Variants in FAM13A observed in about 807,000 individuals in gnomAD.
The protein encoded by FAM13A is protein FAM13A.
A neutral mutation model predicts 129.6 loss-of-function variants in FAM13A; 76 were observed. That is an observed-to-expected ratio of 0.59 (90% confidence interval 0.49 to 0.71). The LOEUF (loss-of-function observed/expected upper bound fraction) is 0.71. FAM13A is among the 30% of genes least tolerant of loss of function. FAM13A has a pLI of 0.00. For synonymous variants in FAM13A, 443 were observed against 449.9 expected (o/e 0.98, Z 0.20); for missense variants, 1,108 against 1,249.3 (o/e 0.89, Z 1.70).
intron 7 of FAM13A, among the ~76,000 whole-genome samples, chr4:88,849,930 A>G (rs1737269253): frequency 6.6e-6 from 1 of 152,194 alleles, no homozygotes; most frequent in Non-Finnish European, 1.5e-5. Context: ...CTCCTAAGTA[A>G]GCATATCTAC....
chr4:88,752,274 C>T (rs1355326576), intron 14 of FAM13A, among the ~76,000 whole-genome samples: 2 of 152,096 alleles, frequency 1.3e-5, no homozygotes. Flanking sequence ...AAACTGAAAC[C>T]CCAAGAGGTG....
intron 6 of FAM13A, among the ~76,000 whole-genome samples, chr4:88,875,560 T>A (rs150775800): frequency 0.11 from 16,091 of 152,254 alleles, 1,007 homozygotes; most frequent in Non-Finnish European, 0.14. Context: ...TCACTGGTCA[T>A]CAGAGAAATG....
At chr4:88,868,295 G>C (rs1006413168) in intron 6 of FAM13A, among the ~76,000 whole-genome samples, 2 of 152,134 alleles carry the variant, frequency 1.3e-5, no homozygotes, top group Non-Finnish European at 2.9e-5. Flanking sequence ...CCCAGTCATC[G>C]AGTAAGTGCC....
At chr4:88,753,653 C>T (rs150637077) in intron 14 of FAM13A, 23 of 938,464 alleles carry the variant, frequency 2.5e-5, no homozygotes, top group African/African-American at 2.0e-4. Context: ...TTCTGTTATT[C>T]GATAGTCTTA....
intron 5 of FAM13A, among the ~76,000 whole-genome samples, chr4:88,909,119 T>A (rs915169979): frequency 6.6e-6 from 1 of 152,216 alleles, no homozygotes; most frequent in Non-Finnish European, 1.5e-5. Flanking sequence ...TGAAAATTTA[T>A]GTCCACAGCA....
chr4:89,000,491 G>T (rs1764114529), intron 3 of FAM13A, among the ~76,000 whole-genome samples: 1 of 152,152 alleles, frequency 6.6e-6, no homozygotes, highest in South Asian at 2.1e-4. Context: ...AAAGAAAGTA[G>T]ACTGGTCTTT....
chr4:88,995,744 C>T (rs766670005), intron 3 of FAM13A, among the ~76,000 whole-genome samples: 2 of 152,162 alleles, frequency 1.3e-5, no homozygotes, highest in Non-Finnish European at 2.9e-5. Flanking sequence ...TGAGCCAATA[C>T]TCCTTAATAA....
intron 11 of FAM13A, among the ~76,000 whole-genome samples, chr4:88,779,215 C>A (rs959324136): frequency 6.6e-6 from 1 of 152,104 alleles, no homozygotes. Flanking sequence ...TCCTGCCACA[C>A]AGATGACATA....
intron 7 of FAM13A, among the ~76,000 whole-genome samples, chr4:88,811,152 G>C (rs917628435): frequency 6.6e-6 from 1 of 152,206 alleles, no homozygotes. Flanking sequence ...AGATTTTGCT[G>C]AGTGTAGATG....
At chr4:88,804,578 T>A (rs1728181263) in intron 8 of FAM13A, among the ~76,000 whole-genome samples, 1 of 152,156 alleles carries the variant, frequency 6.6e-6, no homozygotes, top group Non-Finnish European at 1.5e-5. Flanking sequence ...CCCTATAAAC[T>A]TGCTGAATAT....
intron 14 of FAM13A, chr4:88,753,600 T>C: frequency 1.2e-6 from 1 of 858,986 alleles, no homozygotes; most frequent in Non-Finnish European, 1.4e-6. Context: ...TTCTCATCTA[T>C]GCAACACAAA....
intron 1 of FAM13A, among the ~76,000 whole-genome samples, chr4:89,034,703 G>A (rs919693534): frequency 1.4e-4 from 21 of 152,224 alleles, no homozygotes; most frequent in African/African-American, 2.6e-4. Flanking sequence ...CCAACATGGC[G>A]AAACCCCATC....
At chr4:88,788,474 G>A (rs1410863365) in intron 9 of FAM13A, among the ~76,000 whole-genome samples, 3 of 152,072 alleles carry the variant, frequency 2.0e-5, no homozygotes, top group Non-Finnish European at 4.4e-5. Context: ...ACAACAGCAT[G>A]GCATAATCTT....
At chr4:88,970,843 T>C (rs1759982181) in intron 4 of FAM13A, among the ~76,000 whole-genome samples, 1 of 152,002 alleles carries the variant, frequency 6.6e-6, no homozygotes, top group Non-Finnish European at 1.5e-5. Context: ...AAAAATGAGA[T>C]GAAATTAATG....
chr4:89,049,163 C>T (rs866631169), intron 1 of FAM13A, among the ~76,000 whole-genome samples: 19 of 151,712 alleles, frequency 1.3e-4, no homozygotes, highest in African/African-American at 4.4e-4. Context: ...TTTGGGAGGG[C>T]GAGGTGGGAG....
intron 10 of FAM13A, 152 bp from the exon 11 acceptor site, chr4:88,781,503 C>A: frequency 2.0e-6 from 1 of 506,568 alleles, no homozygotes; most frequent in Non-Finnish European, 3.4e-6. Context: ...GAGTGCCACT[C>A]CTGGGACTGC....
intron 23 of FAM13A, chr4:88,729,059 GTTTTTTT>G (rs529829067): frequency 2.3e-4 from 18 of 78,420 alleles, no homozygotes; most frequent in South Asian, 9.2e-4. Context: ...CCACAACTTA[GTTTTTTT>G]TTTTTTTTTT....
At chr4:88,876,485 A>G (rs1009960720) in intron 6 of FAM13A, among the ~76,000 whole-genome samples, 1 of 152,132 alleles carries the variant, frequency 6.6e-6, no homozygotes, top group Non-Finnish European at 1.5e-5. Context: ...ATAATAAAAA[A>G]CGATGTAAAA....
At chr4:89,056,857 A>G in intron 1 of FAM13A, 81 bp downstream of exon 1, 1 of 1,322,140 alleles carries the variant, frequency 7.6e-7, no homozygotes, top group Non-Finnish European at 1.1e-6. Context: ...TTACACAAAC[A>G]TCTCATCAAA....
Sources: gnomAD v4.1 joint callset for allele counts (sites outside exome capture counted in the v4.1 genomes callset) on GRCh38, gnomAD v4.1.1 for gene constraint, MANE v1.5 for transcripts, NCBI Gene and HGNC (gene_info 2026-07-23, HGNC 2026-07-21) for gene names.